The following CDH18 variants were observed in gnomAD, a reference collection of about 807,000 sequenced individuals.
CDH18 encodes the protein cadherin 18, also known as cadherin-18.
A neutral mutation model predicts 67.9 loss-of-function variants in CDH18; 31 were observed. That is an observed-to-expected ratio of 0.46 (90% CI 0.34 to 0.62). CDH18 has a LOEUF of 0.62. CDH18 is among the 20% of genes least tolerant of loss of function. The probability of loss-of-function intolerance (pLI) is 0.01; values close to 1 mark genes in which losing one functional copy is unlikely to be tolerated. For synonymous variants in CDH18, 362 were observed against 347.2 expected, an observed-to-expected ratio of 1.04 and a Z score of -0.48; for missense variants, 890 against 975.5, an observed-to-expected ratio of 0.91 and a Z score of 1.17.
At chr5:19,690,289 T>C (rs1479718550) in intron 5 of CDH18, among the ~76,000 whole-genome samples, 1 of 151,592 alleles carries the variant, frequency 6.6e-6, no homozygotes, top group East Asian at 1.9e-4. Context: ...CAAAACCTAT[T>C]GGATACAGCA....
At chr5:20,551,852 A>C (rs139347697) in intron 1 of CDH18, among the ~76,000 whole-genome samples, 48 of 152,158 alleles carry the variant, frequency 3.2e-4, no homozygotes, top group African/African-American at 9.6e-4. Context: ...GAGTTCTTAA[A>C]ATATTCTTCT....
chr5:19,683,426 T>C (rs1355606971), intron 5 of CDH18, among the ~76,000 whole-genome samples: 1 of 152,090 alleles, frequency 6.6e-6, no homozygotes, highest in Non-Finnish European at 1.5e-5. Context: ...ACTGTTTAAA[T>C]TTTTCTCCTG....
At chr5:20,413,381 T>C (rs943935983) in intron 1 of CDH18, among the ~76,000 whole-genome samples, 1 of 152,224 alleles carries the variant, frequency 6.6e-6, no homozygotes, top group African/African-American at 2.4e-5. Flanking sequence ...CTTGAGGAAT[T>C]ACCACACTGT....
intron 5 of CDH18, among the ~76,000 whole-genome samples, chr5:19,618,065 G>T (rs1750115681): frequency 6.6e-6 from 1 of 152,096 alleles, no homozygotes; most frequent in Non-Finnish European, 1.5e-5. Context: ...AAATAAAAAT[G>T]CCTAACGGGC....
intron 7 of CDH18, among the ~76,000 whole-genome samples, chr5:19,584,840 G>GA (rs1311405383): frequency 2.6e-5 from 3 of 116,738 alleles, no homozygotes; most frequent in Non-Finnish European, 3.9e-5. Context: ...AAAGAAAAAA[G>GA]AAAAAATAGC....
At chr5:20,548,459 G>C (rs1432726268) in intron 1 of CDH18, among the ~76,000 whole-genome samples, 1 of 151,258 alleles carries the variant, frequency 6.6e-6, no homozygotes, top group African/African-American at 2.4e-5. Flanking sequence ...GTGTGTGTGT[G>C]TGTGTGTATA....
intron 2 of CDH18, among the ~76,000 whole-genome samples, chr5:19,910,771 A>G (rs1044124804): frequency 5.3e-5 from 8 of 152,140 alleles, no homozygotes; most frequent in African/African-American, 1.4e-4. Flanking sequence ...ACCCTATGAA[A>G]AAAGACCCTT....
chr5:19,935,492 C>T (rs73059688), intron 2 of CDH18, among the ~76,000 whole-genome samples: 2,437 of 151,214 alleles, frequency 0.016, 64 homozygotes, highest in African/African-American at 0.056. Flanking sequence ...AGCAATTTCC[C>T]ATAGAAATTA....
chr5:20,101,188 C>T (rs1231327959), intron 2 of CDH18, among the ~76,000 whole-genome samples: 1 of 151,722 alleles, frequency 6.6e-6, no homozygotes, highest in African/African-American at 2.4e-5. Context: ...TCTGGAATTT[C>T]TGGGCTCAAG....
At chr5:19,580,884 A>T (rs577368993) in intron 7 of CDH18, among the ~76,000 whole-genome samples, 1 of 152,108 alleles carries the variant, frequency 6.6e-6, no homozygotes, top group East Asian at 1.9e-4. Context: ...TGATAAAGAT[A>T]AACAATTTTT....
intron 5 of CDH18, among the ~76,000 whole-genome samples, chr5:19,718,284 C>T (rs1765588805): frequency 6.6e-6 from 1 of 151,922 alleles, no homozygotes; most frequent in Non-Finnish European, 1.5e-5. Flanking sequence ...TATGATTGGT[C>T]TTCAATGAAA....
intron 1 of CDH18, among the ~76,000 whole-genome samples, chr5:20,496,657 G>A (rs1466730492): frequency 6.6e-6 from 1 of 152,086 alleles, no homozygotes; most frequent in Non-Finnish European, 1.5e-5. Context: ...GAGATAAATT[G>A]TAAATGTGCT....
At chr5:20,538,391 T>C (rs16886393) in intron 1 of CDH18, among the ~76,000 whole-genome samples, 1,640 of 152,290 alleles carry the variant, frequency 0.011, 25 homozygotes, top group African/African-American at 0.037. Context: ...TTCTTCACAA[T>C]AGAATCCACT....
chr5:19,643,939 T>G (rs889370239), intron 5 of CDH18, among the ~76,000 whole-genome samples: 21 of 152,170 alleles, frequency 1.4e-4, no homozygotes, highest in African/African-American at 4.8e-4. Flanking sequence ...ATTATCAAGT[T>G]TATACCTTAA....
At chr5:20,430,932 A>G (rs1489141608) in intron 1 of CDH18, among the ~76,000 whole-genome samples, 1 of 152,154 alleles carries the variant, frequency 6.6e-6, no homozygotes, top group East Asian at 1.9e-4. Context: ...ATGTTACGAA[A>G]ATGTTTTCTA....
rs190101540 is a variant in CDH18 at position 19,705,868 on chromosome 5, C to T, written c.643+15479G>A. Among the ~76,000 whole-genome samples the T allele has an allele frequency of 3.3e-5, 5 of 152,264 alleles. 1 individual carries two copies. In the East Asian group the frequency reaches 9.7e-4, roughly 29 times the overall value. Reference sequence around the variant, plus strand: ...TGTGGGTATTCTTGATAACCATTTTCCTAAAATGAAACTGTTTCAATTTTT... The same window carrying T: ...TGTGGGTATTCTTGATAACCATTTTTCTAAAATGAAACTGTTTCAATTTTT... On this transcript the variant is annotated intron_variant, in intron 5 of 12. Transcript: ENST00000382275.
At chr5:19,819,873 C>T (rs1324938387) in intron 3 of CDH18, among the ~76,000 whole-genome samples, 2 of 152,090 alleles carry the variant, frequency 1.3e-5, no homozygotes, top group Admixed American at 6.6e-5. Flanking sequence ...TAGCTGGCCC[C>T]TCCCGAGGTC....
intron 2 of CDH18, among the ~76,000 whole-genome samples, chr5:20,029,031 T>A (rs1015937186): frequency 6.6e-6 from 1 of 152,078 alleles, no homozygotes; most frequent in Non-Finnish European, 1.5e-5. Flanking sequence ...AAAATAATCT[T>A]TTGGATCCAA....
chr5:20,002,279 G>A (rs1736510805), intron 2 of CDH18, among the ~76,000 whole-genome samples: 1 of 152,080 alleles, frequency 6.6e-6, no homozygotes. Context: ...TTGCACATAT[G>A]GTAGATACAG....
Sources: allele counts gnomAD v4.1 joint callset (sites outside exome capture counted in the v4.1 genomes callset), GRCh38; gene constraint gnomAD v4.1.1; transcripts MANE v1.5; gene names NCBI Gene and HGNC (gene_info 2026-07-23, HGNC 2026-07-21).